HACD3: variants seen among roughly 807,000 people sequenced by gnomAD.
HACD3 encodes very-long-chain (3R)-3-hydroxyacyl-CoA dehydratase 3.
A neutral mutation model predicts 55.2 loss-of-function variants in HACD3; 30 were observed. The observed-to-expected ratio is 0.54, with a 90% confidence interval of 0.41 to 0.74. The LOEUF (loss-of-function observed/expected upper bound fraction) is 0.74. Among genes scored for constraint, HACD3 ranks in the 30% least tolerant of loss-of-function variants. The probability of loss-of-function intolerance (pLI) is 0.00; values close to 1 mark genes in which losing one functional copy is unlikely to be tolerated. For missense variants in HACD3, 363 were observed against 440.1 expected (o/e 0.82, Z 1.57); for synonymous variants, 141 against 151.7 (o/e 0.93, Z 0.52).
intron 7 of HACD3, among the ~76,000 whole-genome samples, chr15:65,569,382 G>A (rs972415712): frequency 1.3e-5 from 2 of 151,932 alleles, no homozygotes; most frequent in Non-Finnish European, 1.5e-5. Flanking sequence ...ACAATATACT[G>A]TTCAGGAATA....
chr15:65,547,120 AT>A (rs1038425824), intron 1 of HACD3, among the ~76,000 whole-genome samples: 408 of 144,346 alleles, frequency 2.8e-3, no homozygotes, highest in Middle Eastern at 3.6e-3. Flanking sequence ...AGTTCCCAGG[AT>A]TTTTTTTTTT....
At position 65,545,758 on chromosome 15, in the gene HACD3, G is replaced by A. The variant is rs1211919891; in HGVS notation, c.88-5918G>A. Among the ~76,000 whole-genome samples the A allele has an allele frequency of 2.9e-4, 9 of 30,710 alleles. No homozygotes were observed. The East Asian group carries it at 6.5e-3, about 22-fold the overall frequency. 20.1% of individuals were successfully genotyped at this position (30,710 alleles called of 152,430 possible). ...CGTGAGCCACCCGTGGCCGATTCTG[G>A]ATTTTTTTAAAGTGTAAATGTAGTG... On this transcript the variant is annotated intron_variant, in intron 1 of 10. Transcript: ENST00000261875.
chr15:65,530,723 A>G lies in HACD3; in HGVS notation c.87+5A>G, dbSNP rs1334624268. The stretch of plus-strand genomic sequence containing the variant: ...GTGGAGCTGAGTGACGTACAGGTAA[A>G]GGCCGGGTCGGGCGGCGGGAAGCGC... On this transcript the variant is annotated splice_donor_5th_base_variant and intron_variant, in intron 1 of 10. Coordinates refer to ENST00000261875, the MANE Select transcript of HACD3 (RefSeq NM_016395.4). 6.5e-7 allele frequency: 1 copy of G among 1,548,258 alleles called. No homozygotes were observed. The highest frequency in any genetic ancestry group is 8.7e-7 in the Non-Finnish European group (1 of 1,147,054).
chr15:65,560,035 T>G (rs1184485925), intron 5 of HACD3, among the ~76,000 whole-genome samples: 1 of 151,832 alleles, frequency 6.6e-6, no homozygotes, highest in Admixed American at 6.6e-5. Context: ...AGTCTTAGGA[T>G]AAGGCTGTGT....
At chr15:65,564,658 G>A (rs985952036) in intron 7 of HACD3, 8 of 211,634 alleles carry the variant, frequency 3.8e-5, no homozygotes, top group Admixed American at 5.9e-5. Flanking sequence ...GGGAAAGACC[G>A]GCCGCACTGA....
At chr15:65,536,004 G>A (rs756085823) in intron 1 of HACD3, among the ~76,000 whole-genome samples, 27 of 151,182 alleles carry the variant, frequency 1.8e-4, no homozygotes, top group Non-Finnish European at 3.5e-4. Flanking sequence ...TGTTACTATT[G>A]TGATTGTTTA....
In HACD3 at chr15:65,578,297, T is replaced by C. The variant is rs987419241; in HGVS notation, c.*1918T>C. 1.3e-5 allele frequency: 2 copies of C among 152,238 alleles called. No homozygotes were observed. The highest frequency in any genetic ancestry group is 2.9e-5 in the Non-Finnish European group (2 of 68,046). 9.4% of individuals were successfully genotyped at this position (152,238 alleles called of 1,614,324 possible). On this transcript the variant is annotated 3_prime_UTR_variant, in exon 11 of 11. Transcript: ENST00000261875. ...TGATTGTTACAAACCCCTTTATTGC[T>C]GTCTGAGAAAGTGAAAGATTGTGTA...
chr15:65,542,137 G>C (rs912435354), intron 1 of HACD3, among the ~76,000 whole-genome samples: 2 of 148,120 alleles, frequency 1.4e-5, no homozygotes, highest in Non-Finnish European at 3.0e-5. Context: ...GCTGAGGCAG[G>C]AGAATCGCTT....
chr15:65,575,801 C>T (rs2072395278), intron 10 of HACD3, among the ~76,000 whole-genome samples: 2 of 152,118 alleles, frequency 1.3e-5, no homozygotes, highest in Admixed American at 1.3e-4. Context: ...ATGTTTTAAA[C>T]TCACTGGGAG....
intron 1 of HACD3, 28 bp from the exon 2 acceptor site, chr15:65,551,648 T>G (rs1266742891): frequency 1.9e-6 from 3 of 1,613,880 alleles, no homozygotes; most frequent in Admixed American, 3.3e-5. Context: ...TTAAAATGCC[T>G]TCTTGCATCC....
intron 4 of HACD3, among the ~76,000 whole-genome samples, chr15:65,557,801 TTATAA>T (rs1413092925): frequency 1.3e-5 from 2 of 152,236 alleles, no homozygotes; most frequent in Non-Finnish European, 2.9e-5. Context: ...ATACTTTGAG[TTATAA>T]TCTAATATTA....
chr15:65,565,268 C>A (rs1220784147), intron 7 of HACD3: 2 of 152,960 alleles, frequency 1.3e-5, no homozygotes, highest in Non-Finnish European at 2.9e-5. Context: ...GTCAGTGGAT[C>A]TACCACTTTG....
intron 6 of HACD3, 49 bp downstream of exon 6, chr15:65,562,933 C>T: frequency 6.3e-7 from 1 of 1,595,692 alleles, no homozygotes; most frequent in South Asian, 1.1e-5. Flanking sequence ...GTAGTTTGGC[C>T]CAGTATTCAC....
chr15:65,569,296 TA>T (rs2072325830), intron 7 of HACD3, among the ~76,000 whole-genome samples: 1 of 151,036 alleles, frequency 6.6e-6, no homozygotes, highest in South Asian at 2.1e-4. Flanking sequence ...CTCTGGCCCG[TA>T]ACTCTGAGTA....
chr15:65,561,576 T>C (rs1259709194), intron 5 of HACD3, among the ~76,000 whole-genome samples: 1 of 151,956 alleles, frequency 6.6e-6, no homozygotes, highest in Non-Finnish European at 1.5e-5. Context: ...ATGGAAAAAA[T>C]ACAACACTAC....
At chr15:65,567,849 C>A (rs1411727546) in intron 7 of HACD3, among the ~76,000 whole-genome samples, 1 of 151,828 alleles carries the variant, frequency 6.6e-6, no homozygotes, top group African/African-American at 2.4e-5. Context: ...ATAGTCAAAA[C>A]CATAGAGACA....
intron 7 of HACD3, chr15:65,566,230 A>G (rs942832080): frequency 6.5e-6 from 1 of 152,834 alleles, no homozygotes; most frequent in Non-Finnish European, 1.5e-5. Flanking sequence ...GAGCCCTCCA[A>G]ACTGTTCCAA....
At position 65,533,207 on chromosome 15, in the gene HACD3, C is replaced by G. The variant is rs12906379; in HGVS notation, c.87+2489C>G. Among the ~76,000 whole-genome samples, 401 of 152,280 alleles carry G rather than the reference C, an allele frequency of 2.6e-3. 1 individual carries two copies. Among genetic ancestry groups the G allele is most frequent in the Non-Finnish European group, 4.7e-3 (320 of 68,022 alleles). ...TTTATTACTCATTGCATTGAGAGAG[C>G]ATACTCCATGGGGAACCCTGGGGTG... On this transcript the variant is annotated intron_variant, in intron 1 of 10. Coordinates refer to ENST00000261875, the MANE Select transcript of HACD3 (RefSeq NM_016395.4).
chr15:65,563,307 C>A (rs1308418000), intron 6 of HACD3, among the ~76,000 whole-genome samples: 1 of 152,118 alleles, frequency 6.6e-6, no homozygotes, highest in Non-Finnish European at 1.5e-5. Context: ...ATAAAAAGAG[C>A]ATCATAAAGA....
Sources: gnomAD v4.1 joint callset for allele counts (sites outside exome capture counted in the v4.1 genomes callset) on GRCh38, gnomAD v4.1.1 for gene constraint, MANE v1.5 for transcripts, NCBI Gene and HGNC (gene_info 2026-07-23, HGNC 2026-07-21) for gene names.